The following TTC28 variants were observed in gnomAD, a reference collection of about 807,000 sequenced individuals.
TTC28 encodes the protein tetratricopeptide repeat protein 28.
TTC28 carries 61 observed loss-of-function variants against 198.0 expected under a neutral mutation model. The ratio of observed to expected loss-of-function variants is 0.31; its 90% confidence interval spans 0.25 to 0.38. The LOEUF is 0.38. Among genes scored for constraint, TTC28 ranks in the 10% least tolerant of loss-of-function variants. The pLI is 1.00. For synonymous variants in TTC28, 1,171 were observed against 1,297.8 expected (o/e 0.90, Z 2.10); for missense variants, 2,678 against 3,164.0 (o/e 0.85, Z 3.69).
intron 5 of TTC28, among the ~76,000 whole-genome samples, chr22:28,294,543 A>G (rs905986869): frequency 2.0e-5 from 3 of 151,766 alleles, no homozygotes; most frequent in African/African-American, 7.3e-5. Flanking sequence ...AGGAAAAAAG[A>G]GTATAAATGC....
At chr22:28,339,281 T>C (rs757271667) in intron 2 of TTC28, among the ~76,000 whole-genome samples, 11 of 152,160 alleles carry the variant, frequency 7.2e-5, no homozygotes, top group Non-Finnish European at 7.4e-5. Flanking sequence ...CCTGGCTGTG[T>C]GAGGTGTCAG....
chr22:28,157,643 A>G (rs942531720), intron 6 of TTC28, among the ~76,000 whole-genome samples: 5 of 152,196 alleles, frequency 3.3e-5, no homozygotes, highest in African/African-American at 9.6e-5. Context: ...AAATCAATCA[A>G]TGTGATACTT....
intron 2 of TTC28, among the ~76,000 whole-genome samples, chr22:28,621,386 T>C (rs1026230370): frequency 6.6e-6 from 1 of 151,908 alleles, no homozygotes; most frequent in Non-Finnish European, 1.5e-5. Flanking sequence ...TTGGTGCTAA[T>C]AGAAACAAAC....
intron 2 of TTC28, among the ~76,000 whole-genome samples, chr22:28,427,375 C>T (rs2047364978): frequency 6.6e-6 from 1 of 152,106 alleles, no homozygotes; most frequent in Non-Finnish European, 1.5e-5. Context: ...GAAAAAAGGC[C>T]GAGCGCGGTG....
chr22:28,477,520 G>C (rs1012354924), intron 2 of TTC28, among the ~76,000 whole-genome samples: 33 of 152,154 alleles, frequency 2.2e-4, no homozygotes, highest in African/African-American at 7.5e-4. Flanking sequence ...AGGAAAAAAA[G>C]ACATGAGGGC....
At chr22:28,637,039 T>G in intron 1 of TTC28, among the ~76,000 whole-genome samples, 1 of 146,480 alleles carries the variant, frequency 6.8e-6, no homozygotes, top group Admixed American at 6.9e-5. Context: ...GACGGAGTCT[T>G]GCTCTGTCGC....
At position 28,045,013 on chromosome 22, in the gene TTC28, T is replaced by A. The variant is rs117806783; in HGVS notation, c.3933-14647A>T. 6.9e-3 allele frequency among the ~76,000 whole-genome samples: 1,045 copies of A among 152,260 alleles called. 25 individuals are homozygous for A. The South Asian group carries it at 0.077, about 11-fold the overall frequency. On this transcript the variant is annotated intron_variant, in intron 12 of 22. Transcript: ENST00000397906. ...TGAATACACAATGACTGTAATCGAT[T>A]GGAAGGCCCCATTACTTGTTGTCTT...
At chr22:28,254,492 CA>C (rs5844806) in intron 5 of TTC28, among the ~76,000 whole-genome samples, 84 of 135,338 alleles carry the variant, frequency 6.2e-4, no homozygotes, top group Admixed American at 7.3e-4. Context: ...CTTAATGGTG[CA>C]AAAAAAAAAA....
chr22:28,611,713 G>A (rs891765460), intron 2 of TTC28, among the ~76,000 whole-genome samples: 15 of 134,850 alleles, frequency 1.1e-4, no homozygotes, highest in Non-Finnish European at 2.0e-4. Flanking sequence ...CTGTGTCCAT[G>A]TGATCTCATT....
chr22:27,982,577 A>G lies in TTC28; in HGVS notation c.7090T>C (p.Trp2364Arg), dbSNP rs1322777739. Reference protein sequence around the residue: ...VQAVHNLKMFWQSTPQHSTGP... With the variant: ...VQAVHNLKMFRQSTPQHSTGP... ...GTGGAATGCTGGGGTGTGCTCTGCC[A>G]GAACATCTTCAGGTTATGGACAGCC... The change falls in exon 23 of 23, where the codon TGG (tryptophan) becomes CGG (arginine). Residue 2364 changes from tryptophan to arginine, a missense_variant. Trp to Arg is a moderately radical substitution (Grantham distance 101, BLOSUM62 -3). Transcript: ENST00000397906. The surrounding 1 kb of genome is among the most constrained non-coding windows in gnomAD (Gnocchi z 5.2). 3 of 1,551,672 alleles carry G rather than the reference A, an allele frequency of 1.9e-6. No homozygotes were observed. In the African/African-American group the frequency reaches 4.1e-5, roughly 21 times the overall value.
chr22:28,294,518 T>C (rs1297336748), intron 5 of TTC28, among the ~76,000 whole-genome samples: 6 of 152,074 alleles, frequency 3.9e-5, no homozygotes, highest in African/African-American at 1.4e-4. Flanking sequence ...GGCTAATACA[T>C]ACACCTTGAA....
intron 6 of TTC28, among the ~76,000 whole-genome samples, chr22:28,134,394 G>C (rs1943147552): frequency 6.6e-6 from 1 of 152,202 alleles, no homozygotes; most frequent in African/African-American, 2.4e-5. Flanking sequence ...GAAGGCGTCA[G>C]ACAATCAAAC....
intron 5 of TTC28, among the ~76,000 whole-genome samples, chr22:28,169,442 C>G (rs1026929723): frequency 2.6e-5 from 4 of 152,104 alleles, no homozygotes; most frequent in African/African-American, 9.7e-5. Flanking sequence ...CAATGATAGA[C>G]TGGATTAAGA....
At chr22:28,591,040 C>CAT (rs377761638) in intron 2 of TTC28, among the ~76,000 whole-genome samples, 90 of 30,730 alleles carry the variant, frequency 2.9e-3, no homozygotes, top group African/African-American at 0.012. Context: ...CACACACACA[C>CAT]ATATATATAT....
At chr22:28,647,633 A>C (rs960008024) in intron 1 of TTC28, among the ~76,000 whole-genome samples, 18 of 151,740 alleles carry the variant, frequency 1.2e-4, no homozygotes, top group African/African-American at 4.4e-4. Context: ...AGGTCAGGAG[A>C]TCGAGACCAT....
In TTC28 at chr22:28,205,517, G is replaced by C. The variant is rs7285010; in HGVS notation, c.934-41918C>G. Among the ~76,000 whole-genome samples, 1,203 of 152,172 alleles carry C rather than the reference G, an allele frequency of 7.9e-3. 24 individuals carry two copies. Among genetic ancestry groups the C allele is most frequent in the African/African-American group, 0.028 (1,163 of 41,512 alleles). On this transcript the variant is annotated intron_variant, in intron 5 of 22. Coordinates refer to ENST00000397906, the MANE Select transcript of TTC28 (RefSeq NM_001145418.2). ...TTTAATAAAATGACACTTTCATCTAGTAGTTTCCAAAGGACTGAGTGAAAT... is the reference window on the plus strand; with the variant it reads ...TTTAATAAAATGACACTTTCATCTACTAGTTTCCAAAGGACTGAGTGAAAT...
chr22:28,647,944 G>A (rs1389345514), intron 1 of TTC28, among the ~76,000 whole-genome samples: 2 of 151,474 alleles, frequency 1.3e-5, no homozygotes, highest in African/African-American at 2.4e-5. Flanking sequence ...GATCAACATC[G>A]CTGGGCATGG....
intron 2 of TTC28, among the ~76,000 whole-genome samples, chr22:28,571,679 G>A (rs1340368273): frequency 1.3e-5 from 2 of 152,176 alleles, no homozygotes; most frequent in Non-Finnish European, 1.5e-5. Flanking sequence ...TGGGCACGGT[G>A]GTTCATGCCT....
intron 6 of TTC28, among the ~76,000 whole-genome samples, chr22:28,160,437 T>C (rs115857440): frequency 2.0e-5 from 3 of 152,000 alleles, no homozygotes; most frequent in East Asian, 1.9e-4. Context: ...GAACAAAATA[T>C]GACAATTCCC....
Sources: allele counts gnomAD v4.1 joint callset (sites outside exome capture counted in the v4.1 genomes callset), GRCh38; gene constraint gnomAD v4.1.1; non-coding constraint Gnocchi (gnomAD v3.1); transcripts MANE v1.5; gene names NCBI Gene and HGNC (gene_info 2026-07-23, HGNC 2026-07-21).